Variants in EXOC3L2 observed in about 807,000 individuals in gnomAD.
EXOC3L2 encodes exocyst complex component 3 like 2.
A neutral mutation model predicts 44.4 loss-of-function variants in EXOC3L2; 17 were observed. The observed-to-expected ratio is 0.38, with a 90% confidence interval of 0.26 to 0.57. EXOC3L2 has a LOEUF of 0.57. Among genes scored for constraint, EXOC3L2 ranks in the 20% least tolerant of loss-of-function variants. The probability of loss-of-function intolerance (pLI) is 0.65; values close to 1 mark genes in which losing one functional copy is unlikely to be tolerated. For synonymous variants in EXOC3L2, 256 were observed against 253.7 expected, an observed-to-expected ratio of 1.01 and a Z score of -0.09; for missense variants, 541 against 588.4, an observed-to-expected ratio of 0.92 and a Z score of 0.83.
chr19:45,229,342 A>C (rs1970005048), intron 4 of EXOC3L2, among the ~76,000 whole-genome samples: 1 of 145,492 alleles, frequency 6.9e-6, no homozygotes, highest in African/African-American at 2.5e-5. Context: ...TTTATGTATT[A>C]AATATATGTT....
In EXOC3L2 at chr19:45,217,446, C is replaced by A. The variant is rs376360234; in HGVS notation, c.1998+82G>T. On this transcript the variant is annotated intron_variant, in intron 10 of 11. Transcript: ENST00000413988. The stretch of plus-strand genomic sequence containing the variant: ...TGTCCTGAGCTCTGCCCCTCTCCCC[C>A]TGGCTTTTGGGACCTGAGATTCTCG... 3.4e-5 allele frequency: 49 copies of A among 1,421,668 alleles called. No homozygotes were observed. In the African/African-American group the frequency reaches 3.5e-4, roughly 10 times the overall value. 88.1% of individuals were successfully genotyped at this position (1,421,668 alleles called of 1,614,324 possible).
At position 45,216,167 on chromosome 19, in the gene EXOC3L2, C is replaced by A. The variant is rs776797360; in HGVS notation, c.2026G>T (p.Val676Leu). ...LESQASWLDA[V>L]VPHLAEVMQL... ...ATGACTTCAGCCAAATGGGGCACCA[C>A]GGCATCCAGCCACGAGGCCTGGGAC... Residue 676 changes from valine (V) to leucine (L), a missense_variant, in exon 11 of 12, where the codon GTG (valine) becomes TTG (leucine). Coordinates refer to ENST00000413988, the MANE Select transcript of EXOC3L2 (RefSeq NM_001382422.1). 1.9e-6 allele frequency: 3 copies of A among 1,613,872 alleles called. No homozygotes were observed. The highest frequency in any genetic ancestry group is 2.5e-6 in the Non-Finnish European group (3 of 1,179,980).
chr19:45,226,201 G>C (rs1214227227), intron 7 of EXOC3L2, among the ~76,000 whole-genome samples: 1 of 152,146 alleles, frequency 6.6e-6, no homozygotes, highest in Non-Finnish European at 1.5e-5. Context: ...TGCATTCCTA[G>C]AGGATCTGCT....
chr19:45,213,826 C>T (rs1030743844), intron 11 of EXOC3L2, among the ~76,000 whole-genome samples: 16 of 151,420 alleles, frequency 1.1e-4, no homozygotes, highest in African/African-American at 3.1e-4. Flanking sequence ...TGGTGGCAGG[C>T]GCTTGTAATC....
chr19:45,237,720 G>T (rs1304168988), intron 2 of EXOC3L2, among the ~76,000 whole-genome samples: 1 of 152,128 alleles, frequency 6.6e-6, no homozygotes, highest in African/African-American at 2.4e-5. Context: ...AAAAAAAAAA[G>T]ATATGTGAAG....
At chr19:45,216,375 T>A (rs2122955192) in intron 10 of EXOC3L2, among the ~76,000 whole-genome samples, 181 bp from the exon 11 acceptor site, 1 of 152,086 alleles carries the variant, frequency 6.6e-6, no homozygotes, top group Non-Finnish European at 1.5e-5. Flanking sequence ...GGTCAGGACA[T>A]CGAGACCAAC....
At chr19:45,229,673 C>T (rs117473794) in intron 4 of EXOC3L2, among the ~76,000 whole-genome samples, 4,599 of 149,532 alleles carry the variant, frequency 0.031, 112 homozygotes, top group Non-Finnish European at 0.05. Flanking sequence ...TGTAGAAACC[C>T]CTTTTCTACT....
At chr19:45,219,778 C>T (rs1969877864) in intron 8 of EXOC3L2, among the ~76,000 whole-genome samples, 1 of 152,134 alleles carries the variant, frequency 6.6e-6, no homozygotes, top group Admixed American at 6.6e-5. Flanking sequence ...TAACTTCTTC[C>T]ACTGGTAAAT....
intron 2 of EXOC3L2, among the ~76,000 whole-genome samples, chr19:45,235,652 C>T (rs1467738823): frequency 1.3e-5 from 2 of 152,146 alleles, no homozygotes; most frequent in Non-Finnish European, 2.9e-5. Context: ...CAGGGTTACC[C>T]TCGACACCTC....
intron 11 of EXOC3L2, among the ~76,000 whole-genome samples, chr19:45,213,596 C>G (rs1233329479): frequency 2.0e-5 from 3 of 152,066 alleles, no homozygotes; most frequent in Non-Finnish European, 4.4e-5. Context: ...ACAACCAACC[C>G]CAGAACCAGC....
At chr19:45,242,407 T>A (rs1970137838) in intron 1 of EXOC3L2, among the ~76,000 whole-genome samples, 1 of 151,968 alleles carries the variant, frequency 6.6e-6, no homozygotes, top group Non-Finnish European at 1.5e-5. Flanking sequence ...GGGGACATCC[T>A]GCTAATTTTA....
At chr19:45,218,121 T>G in intron 9 of EXOC3L2, 76 bp downstream of exon 9, 1 of 1,377,918 alleles carries the variant, frequency 7.3e-7, no homozygotes, top group Non-Finnish European at 9.6e-7. Context: ...CAATCTCCCC[T>G]CTTCCCGTCC....
intron 4 of EXOC3L2, among the ~76,000 whole-genome samples, chr19:45,231,187 T>C (rs1411513887): frequency 1.3e-5 from 2 of 152,216 alleles, no homozygotes; most frequent in African/African-American, 2.4e-5. Context: ...GACTGATTTC[T>C]GTGGCTGGAA....
At chr19:45,216,019 G>C in intron 11 of EXOC3L2, 54 bp downstream of exon 11, 8 of 1,602,184 alleles carry the variant, frequency 5.0e-6, no homozygotes, top group Non-Finnish European at 6.8e-6. Flanking sequence ...TGCCAAGGCC[G>C]CCAGGAGACC....
intron 1 of EXOC3L2, among the ~76,000 whole-genome samples, chr19:45,243,407 A>C (rs186807098): frequency 1.3e-5 from 2 of 152,222 alleles, no homozygotes; most frequent in African/African-American, 4.8e-5. Context: ...ACCCCTTTCC[A>C]TGATGGGGAG....
chr19:45,219,413 A>AAAAAAAAAAAAAAAAG (rs1404154051), intron 8 of EXOC3L2, among the ~76,000 whole-genome samples: 13 of 150,664 alleles, frequency 8.6e-5, no homozygotes, highest in Non-Finnish European at 1.3e-4. Flanking sequence ...AAAAAAAAAA[A>AAAAAAAAAAAAAAAAG]AGAGAAAAAG....
intron 4 of EXOC3L2, among the ~76,000 whole-genome samples, chr19:45,229,504 TAAATATA>T (rs1387500766): frequency 6.8e-6 from 1 of 147,592 alleles, no homozygotes; most frequent in African/African-American, 2.5e-5. Context: ...ATATAAATAT[TAAATATA>T]AATCAATAAT....
chr19:45,225,645 A>C (rs1157909189), intron 7 of EXOC3L2, among the ~76,000 whole-genome samples: 2 of 125,754 alleles, frequency 1.6e-5, no homozygotes, highest in African/African-American at 6.0e-5. Flanking sequence ...TTTTTGAGAC[A>C]CAGTTTTGCT....
rs1429722611 is a variant in EXOC3L2 at position 45,234,643 on chromosome 19, C to A, written c.707G>T (p.Arg236Leu). The part of the protein sequence containing the change: ...DVALLYEALQ[R>L]ELWALVRETL... ...CTCGCGCACCAGCGCCCACAGCTCG[C>A]GCTGCAGGGCCTCGTACAGCAGCGC... Residue 236 changes from arginine (R) to leucine (L), a missense_variant, in exon 3 of 12, where the codon CGC (arginine) becomes CTC (leucine). By Grantham distance (102) the Arg-to-Leu change is moderately radical (BLOSUM62 -2). Transcript: ENST00000413988. The surrounding 1 kb of genome is among the most constrained non-coding windows in gnomAD (Gnocchi z 5.0). 1 of 357,964 alleles carries A rather than the reference C, an allele frequency of 2.8e-6. No homozygotes were observed. Among genetic ancestry groups the A allele is most frequent in the East Asian group, 4.1e-5 (1 of 24,500 alleles). The allele number at this position is 357,964 out of a possible 1,614,324, so 22.2% of individuals were successfully genotyped here.
Sources: allele counts gnomAD v4.1 joint callset (sites outside exome capture counted in the v4.1 genomes callset), GRCh38; gene constraint gnomAD v4.1.1; non-coding constraint Gnocchi (gnomAD v3.1); transcripts MANE v1.5; gene names NCBI Gene and HGNC (gene_info 2026-07-23, HGNC 2026-07-21).